SETBP1: variants seen among roughly 807,000 people sequenced by gnomAD.
SETBP1 encodes the protein SET binding protein 1.
A neutral mutation model predicts 101.0 loss-of-function variants in SETBP1; 9 were observed. That is an observed-to-expected ratio of 0.09 (90% CI 0.05 to 0.16). The LOEUF (loss-of-function observed/expected upper bound fraction) is 0.16. Ranked by LOEUF, SETBP1 falls within the 10% of genes least tolerant of loss-of-function variation. The pLI is 1.00. For synonymous variants in SETBP1, 818 were observed against 788.5 expected, an observed-to-expected ratio of 1.04 and a Z score of -0.63; for missense variants, 1,858 against 2,033.8, an observed-to-expected ratio of 0.91 and a Z score of 1.66.
At chr18:45,047,636 G>C (rs893950785) in intron 5 of SETBP1, among the ~76,000 whole-genome samples, 1 of 152,168 alleles carries the variant, frequency 6.6e-6, no homozygotes, top group African/African-American at 2.4e-5. Flanking sequence ...GCAGGAGTAG[G>C]GGGTGGCAGG....
At chr18:44,771,483 G>T (rs527883408) in intron 2 of SETBP1, among the ~76,000 whole-genome samples, 2 of 152,110 alleles carry the variant, frequency 1.3e-5, no homozygotes, top group African/African-American at 2.4e-5. Flanking sequence ...CTGCAAAGGG[G>T]CCAGGCCCAG....
chr18:44,845,380 C>A (rs2072704223), intron 2 of SETBP1, among the ~76,000 whole-genome samples: 1 of 152,198 alleles, frequency 6.6e-6, no homozygotes, highest in Non-Finnish European at 1.5e-5. Context: ...ACACAGAGAA[C>A]TTTCCAGGAA....
intron 2 of SETBP1, among the ~76,000 whole-genome samples, chr18:44,749,519 A>G (rs950144637): frequency 6.6e-6 from 1 of 152,180 alleles, no homozygotes; most frequent in South Asian, 2.1e-4. Flanking sequence ...CCTGGATTCC[A>G]GGGAAGCAAT....
At chr18:44,768,927 AAC>A (rs1401318153) in intron 2 of SETBP1, among the ~76,000 whole-genome samples, 19 of 152,354 alleles carry the variant, frequency 1.2e-4, no homozygotes, top group African/African-American at 4.6e-4. Context: ...TTGTCTCTGC[AAC>A]AGCCCTCTGA....
At chr18:44,792,616 G>A (rs776198030) in intron 2 of SETBP1, among the ~76,000 whole-genome samples, 1 of 152,200 alleles carries the variant, frequency 6.6e-6, no homozygotes, top group Non-Finnish European at 1.5e-5. Flanking sequence ...TGCTGAGCAG[G>A]ATGTGTTAAT....
intron 2 of SETBP1, among the ~76,000 whole-genome samples, chr18:44,770,616 G>A (rs981579473): frequency 6.6e-5 from 10 of 152,092 alleles, no homozygotes; most frequent in African/African-American, 1.9e-4. Context: ...ACTTGCCAGA[G>A]CAAAACATTT....
intron 2 of SETBP1, among the ~76,000 whole-genome samples, chr18:44,761,199 A>G (rs1250126182): frequency 6.6e-6 from 1 of 152,240 alleles, no homozygotes; most frequent in Non-Finnish European, 1.5e-5. Context: ...CAATGGATAT[A>G]TATGTAGTGT....
chr18:45,011,804 A>T (rs779452938), intron 4 of SETBP1, among the ~76,000 whole-genome samples: 5 of 152,186 alleles, frequency 3.3e-5, no homozygotes, highest in Non-Finnish European at 7.3e-5. Flanking sequence ...TGTGATCTTG[A>T]GCAATCAGTC....
chr18:44,947,010 C>T (rs773118238), intron 3 of SETBP1, among the ~76,000 whole-genome samples: 6 of 152,162 alleles, frequency 3.9e-5, no homozygotes. Context: ...TATGCTTCTT[C>T]ATTCATTCAG....
chr18:44,946,502 T>A (rs1013066432), intron 3 of SETBP1, among the ~76,000 whole-genome samples: 2 of 152,202 alleles, frequency 1.3e-5, no homozygotes, highest in Non-Finnish European at 1.5e-5. Flanking sequence ...AAAATTGCAT[T>A]GAAGGGGAGT....
intron 4 of SETBP1, among the ~76,000 whole-genome samples, chr18:44,977,924 A>G (rs1023722382): frequency 6.6e-6 from 1 of 152,126 alleles, no homozygotes; most frequent in Non-Finnish European, 1.5e-5. Flanking sequence ...AACTTCCCCA[A>G]CAGTTTTCAT....
intron 2 of SETBP1, among the ~76,000 whole-genome samples, chr18:44,777,930 C>A (rs2071038719): frequency 6.6e-6 from 1 of 152,204 alleles, no homozygotes; most frequent in Non-Finnish European, 1.5e-5. Flanking sequence ...AGCCGCCTTC[C>A]CATTTCTGAA....
chr18:44,925,595 A>G (rs887602110), intron 3 of SETBP1, among the ~76,000 whole-genome samples: 3 of 152,182 alleles, frequency 2.0e-5, no homozygotes, highest in South Asian at 2.1e-4. Context: ...GAGTCCTTAG[A>G]AAGTCTGTAG....
At chr18:45,038,873 A>T (rs2073454372) in intron 5 of SETBP1, among the ~76,000 whole-genome samples, 1 of 152,148 alleles carries the variant, frequency 6.6e-6, no homozygotes, top group South Asian at 2.1e-4. Flanking sequence ...TACTCTGGAA[A>T]GCTCTTCATT....
At chr18:44,705,429 A>G (rs1165805310) in intron 2 of SETBP1, among the ~76,000 whole-genome samples, 1 of 152,190 alleles carries the variant, frequency 6.6e-6, no homozygotes, top group East Asian at 1.9e-4. Flanking sequence ...GGGTAAGGAC[A>G]TAGAGTTTCA....
At chr18:44,756,609 A>G (rs560014828) in intron 2 of SETBP1, among the ~76,000 whole-genome samples, 1 of 152,278 alleles carries the variant, frequency 6.6e-6, no homozygotes, top group African/African-American at 2.4e-5. Flanking sequence ...CACACCAGAC[A>G]TTGAAGAATG....
chr18:44,737,396 G>A (rs1225800267), intron 2 of SETBP1, among the ~76,000 whole-genome samples: 1 of 152,132 alleles, frequency 6.6e-6, no homozygotes, highest in Non-Finnish European at 1.5e-5. Context: ...TTTCTCCCTG[G>A]TGTATAGACT....
At chr18:44,749,875 G>A (rs1405195891) in intron 2 of SETBP1, among the ~76,000 whole-genome samples, 1 of 152,184 alleles carries the variant, frequency 6.6e-6, no homozygotes, top group Non-Finnish European at 1.5e-5. Context: ...TCTCTGATAT[G>A]CCAATGCATG....
chr18:44,793,540 TAG>T (rs2071407626), intron 2 of SETBP1, among the ~76,000 whole-genome samples: 1 of 152,202 alleles, frequency 6.6e-6, no homozygotes, highest in African/African-American at 2.4e-5. Context: ...CATACTGAAT[TAG>T]AGACTTGGGT....
Sources: gnomAD v4.1 joint callset for allele counts (sites outside exome capture counted in the v4.1 genomes callset) on GRCh38, gnomAD v4.1.1 for gene constraint, MANE v1.5 for transcripts, NCBI Gene and HGNC (gene_info 2026-07-23, HGNC 2026-07-21) for gene names.